Variants in DPY19L1 observed in about 807,000 individuals in gnomAD.
DPY19L1 encodes dpy-19 like C-mannosyltransferase 1, also known as protein C-mannosyl-transferase DPY19L1.
DPY19L1 carries 35 observed loss-of-function variants against 96.9 expected under a neutral mutation model. The ratio of observed to expected loss-of-function variants is 0.36; its 90% CI spans 0.28 to 0.48. The LOEUF is 0.48. Among genes scored for constraint, DPY19L1 ranks in the 20% least tolerant of loss-of-function variants. DPY19L1 has a pLI of 0.99. For synonymous variants in DPY19L1, 205 were observed against 252.6 expected, an observed-to-expected ratio of 0.81 and a Z score of 1.79; for missense variants, 521 against 777.9, an observed-to-expected ratio of 0.67 and a Z score of 3.93.
chr7:34,999,134 C>A (rs1461772023), intron 6 of DPY19L1, among the ~76,000 whole-genome samples: 2 of 152,080 alleles, frequency 1.3e-5, no homozygotes, highest in African/African-American at 4.8e-5. Context: ...ACAAAGTATG[C>A]GATGAGAAGG....
chr7:34,992,239 T>C (rs1464260039), intron 6 of DPY19L1, among the ~76,000 whole-genome samples: 5 of 152,252 alleles, frequency 3.3e-5, no homozygotes, highest in Non-Finnish European at 5.9e-5. Context: ...TAGTGTTTTG[T>C]TTTGACAACA....
chr7:34,975,654 G>C (rs1331021780), intron 7 of DPY19L1, among the ~76,000 whole-genome samples: 3 of 152,206 alleles, frequency 2.0e-5, no homozygotes, highest in Non-Finnish European at 4.4e-5. Context: ...GACTTTCCTA[G>C]TCAGAGAGAA....
chr7:35,023,835 T>TTTC (rs202055019), intron 1 of DPY19L1, among the ~76,000 whole-genome samples: 1,895 of 137,938 alleles, frequency 0.014, 10 homozygotes, highest in Non-Finnish European at 0.024. Context: ...TTTCTTTTCT[T>TTTC]TTTTTTTTTT....
At chr7:34,935,158 C>T (rs1301852808) in intron 21 of DPY19L1, among the ~76,000 whole-genome samples, 1 of 152,102 alleles carries the variant, frequency 6.6e-6, no homozygotes, top group African/African-American at 2.4e-5. Context: ...ACACTGAGGG[C>T]CCACGGTGGC....
At chr7:35,015,780 T>C (rs571624227) in intron 3 of DPY19L1, among the ~76,000 whole-genome samples, 8 of 152,378 alleles carry the variant, frequency 5.3e-5, no homozygotes, top group Admixed American at 5.2e-4. Flanking sequence ...TTTACTCTGT[T>C]GGAGCATTCT....
chr7:34,965,973 C>G (rs1304141470), intron 10 of DPY19L1, among the ~76,000 whole-genome samples: 1 of 152,088 alleles, frequency 6.6e-6, no homozygotes, highest in South Asian at 2.1e-4. Context: ...TTCTCCTACC[C>G]CCTGATCTTG....
chr7:34,958,152 CCAT>C, intron 10 of DPY19L1, 82 bp from the exon 11 acceptor site: 1 of 867,264 alleles, frequency 1.2e-6, no homozygotes, highest in Non-Finnish European at 1.7e-6. Context: ...CTGCACATGC[CCAT>C]AATAAACAAA....
Position 34,950,282 on chromosome 7 carries a change from G to C in DPY19L1, c.1321-384C>G, listed in dbSNP as rs1628727. Among the ~76,000 whole-genome samples the C allele has an allele frequency of 1.5e-3, 229 of 152,234 alleles. 1 individual carries two copies. Among genetic ancestry groups the C allele is most frequent in the African/African-American group, 5.3e-3 (222 of 41,526 alleles). On this transcript the variant is annotated intron_variant, in intron 13 of 21. Coordinates refer to ENST00000638088, the MANE Select transcript of DPY19L1 (RefSeq NM_001366673.1). ...TCATAAAAGCACAAAGGACTATGGGGTAAAGAAAAAGAAATACGAATTCTG... is the reference window on the plus strand; with the variant it reads ...TCATAAAAGCACAAAGGACTATGGGCTAAAGAAAAAGAAATACGAATTCTG...
chr7:34,953,349 A>G (rs543200943), intron 13 of DPY19L1, among the ~76,000 whole-genome samples: 4 of 152,334 alleles, frequency 2.6e-5, no homozygotes, highest in South Asian at 4.1e-4. Context: ...GAAAATGACA[A>G]TAATAGCTTT....
At chr7:34,983,546 A>C in intron 7 of DPY19L1, among the ~76,000 whole-genome samples, 1 of 128,670 alleles carries the variant, frequency 7.8e-6, no homozygotes, top group Admixed American at 9.3e-5. Flanking sequence ...CAAGAAGGGA[A>C]GAAGAGAGGG....
chr7:34,985,423 C>T (rs546028735), intron 7 of DPY19L1, among the ~76,000 whole-genome samples: 2 of 152,220 alleles, frequency 1.3e-5, no homozygotes, highest in East Asian at 1.9e-4. Flanking sequence ...CTGCAAACCA[C>T]ACCTCTGATA....
intron 13 of DPY19L1, among the ~76,000 whole-genome samples, chr7:34,950,489 T>C (rs920088695): frequency 2.0e-5 from 3 of 152,164 alleles, no homozygotes; most frequent in Non-Finnish European, 4.4e-5. Flanking sequence ...TTTCACTTTA[T>C]AAATAAGAAA....
intron 1 of DPY19L1, among the ~76,000 whole-genome samples, chr7:35,025,581 A>G (rs1228585117): frequency 1.3e-5 from 2 of 152,192 alleles, no homozygotes; most frequent in African/African-American, 4.8e-5. Context: ...AACAGCCAGA[A>G]AAGACAAATA....
chr7:35,022,871 CCT>C (rs1786027341), intron 1 of DPY19L1, among the ~76,000 whole-genome samples: 1 of 152,306 alleles, frequency 6.6e-6, no homozygotes, highest in East Asian at 1.9e-4. Flanking sequence ...AGCTCCCTGC[CCT>C]CTCGCAGTGG....
chr7:34,981,900 A>AAAT (rs949778722), intron 7 of DPY19L1, among the ~76,000 whole-genome samples: 56 of 152,204 alleles, frequency 3.7e-4, no homozygotes, highest in African/African-American at 1.3e-3. Flanking sequence ...CAGTGAGCCA[A>AAAT]AATTGTGCCA....
chr7:34,968,661 T>C (rs1784659455), intron 9 of DPY19L1, among the ~76,000 whole-genome samples: 1 of 149,568 alleles, frequency 6.7e-6, no homozygotes. Context: ...TTCCAGCTAC[T>C]TGGGAGGCTG....
chr7:34,975,334 G>A (rs907958453), intron 7 of DPY19L1, among the ~76,000 whole-genome samples: 10 of 152,194 alleles, frequency 6.6e-5, no homozygotes, highest in Non-Finnish European at 1.3e-4. Context: ...GTTCTGGATG[G>A]AAGATCAAAC....
Position 35,013,738 on chromosome 7 carries a change from A to G in DPY19L1, c.412-33T>C, listed in dbSNP as rs531233758. Reference sequence around the variant, plus strand: ...AAAGATATGCTCAATTAAAATAACAAAAGGTACATAATTATGATGCCACTT... The same window carrying G: ...AAAGATATGCTCAATTAAAATAACAGAAGGTACATAATTATGATGCCACTT... On this transcript the variant is annotated intron_variant, in intron 3 of 21. Coordinates refer to ENST00000638088, the MANE Select transcript of DPY19L1 (RefSeq NM_001366673.1). 9 of 1,532,348 alleles carry G rather than the reference A, an allele frequency of 5.9e-6. No homozygotes were observed. In the African/African-American group the frequency reaches 1.1e-4, roughly 19 times the overall value. 94.9% of individuals were successfully genotyped at this position (1,532,348 alleles called of 1,614,324 possible).
chr7:35,036,389 G>C (rs1342903382), intron 1 of DPY19L1, among the ~76,000 whole-genome samples: 3 of 151,330 alleles, frequency 2.0e-5, no homozygotes, highest in African/African-American at 4.8e-5. Flanking sequence ...AAGTCAGTCC[G>C]AAACATACGA....
Sources: allele counts gnomAD v4.1 joint callset (sites outside exome capture counted in the v4.1 genomes callset), GRCh38; gene constraint gnomAD v4.1.1; transcripts MANE v1.5; gene names NCBI Gene and HGNC (gene_info 2026-07-23, HGNC 2026-07-21).